ZNF521: variants seen among roughly 807,000 people sequenced by gnomAD.
ZNF521 encodes the protein LYST-interacting protein 3.
A neutral mutation model predicts 105.5 loss-of-function variants in ZNF521; 14 were observed. The ratio of observed to expected loss-of-function variants is 0.13; its 90% CI spans 0.09 to 0.21. ZNF521 has a LOEUF of 0.21. Among genes scored for constraint, ZNF521 ranks in the 10% least tolerant of loss-of-function variants. ZNF521 has a pLI of 1.00. For synonymous variants in ZNF521, 635 were observed against 606.0 expected (o/e 1.05, Z -0.70); for missense variants, 1,233 against 1,629.7 (o/e 0.76, Z 4.19).
At chr18:25,266,575 G>C (rs1909265551) in intron 3 of ZNF521, among the ~76,000 whole-genome samples, 2 of 152,142 alleles carry the variant, frequency 1.3e-5, no homozygotes, top group Non-Finnish European at 2.9e-5. Flanking sequence ...GGACTGCTTG[G>C]ACAGTGGGTG....
chr18:25,341,252 C>T (rs960596360), intron 2 of ZNF521, among the ~76,000 whole-genome samples: 3 of 152,154 alleles, frequency 2.0e-5, no homozygotes, highest in Admixed American at 6.5e-5. Context: ...TGCTGCATTC[C>T]CTAGTGTTCT....
chr18:25,256,109 C>T (rs1908483972), intron 3 of ZNF521, among the ~76,000 whole-genome samples: 1 of 150,626 alleles, frequency 6.6e-6, no homozygotes, highest in South Asian at 2.1e-4. Flanking sequence ...TCACATGATG[C>T]AACACAGATG....
chr18:25,284,581 G>C (rs1288144550), intron 3 of ZNF521, among the ~76,000 whole-genome samples: 1 of 152,152 alleles, frequency 6.6e-6, no homozygotes, highest in Non-Finnish European at 1.5e-5. Context: ...AAGAGAGGCA[G>C]AGTCATAGGC....
At chr18:25,087,225 G>A (rs533785888) in intron 7 of ZNF521, among the ~76,000 whole-genome samples, 2 of 152,312 alleles carry the variant, frequency 1.3e-5, no homozygotes, top group South Asian at 4.1e-4. Flanking sequence ...CAAGGAGTCT[G>A]TGATTGGTCT....
At chr18:25,302,885 A>T (rs183685909) in intron 3 of ZNF521, 180 of 152,362 alleles carry the variant, frequency 1.2e-3, no homozygotes, top group African/African-American at 4.1e-3. Flanking sequence ...ATAATACATG[A>T]CATTAGACGA....
chr18:25,228,156 T>G (rs1056319489), intron 3 of ZNF521, among the ~76,000 whole-genome samples: 1 of 152,204 alleles, frequency 6.6e-6, no homozygotes, highest in African/African-American at 2.4e-5. Flanking sequence ...ATGTCTAATA[T>G]TTAATAAAAA....
intron 3 of ZNF521, among the ~76,000 whole-genome samples, chr18:25,232,013 C>T (rs377273948): frequency 2.6e-5 from 4 of 152,134 alleles, no homozygotes; most frequent in Non-Finnish European, 5.9e-5. Context: ...AGCAGAGTAC[C>T]CTCTTAACTG....
intron 3 of ZNF521, among the ~76,000 whole-genome samples, chr18:25,318,949 A>C (rs1009581850): frequency 3.4e-5 from 3 of 89,368 alleles, no homozygotes; most frequent in Non-Finnish European, 9.5e-5. Flanking sequence ...AGGAGAAAAA[A>C]AAGAAAAAAA....
chr18:25,316,873 A>T (rs200059853), intron 3 of ZNF521, among the ~76,000 whole-genome samples: 1 of 89,858 alleles, frequency 1.1e-5, no homozygotes, highest in East Asian at 4.2e-4. Flanking sequence ...TTTTTTTTTG[A>T]GACAGAGTTT....
At chr18:25,071,678 T>C (rs959086951) in intron 7 of ZNF521, among the ~76,000 whole-genome samples, 3 of 152,140 alleles carry the variant, frequency 2.0e-5, no homozygotes, top group African/African-American at 4.8e-5. Flanking sequence ...TCTTATTTTA[T>C]AGATGAGAAA....
chr18:25,122,898 G>C (rs990852513), intron 5 of ZNF521, among the ~76,000 whole-genome samples: 16 of 152,074 alleles, frequency 1.1e-4, no homozygotes, highest in Non-Finnish European at 2.1e-4. Flanking sequence ...CATGAAACTT[G>C]GTCCAGTGTG....
Position 25,290,643 on chromosome 18 carries a change from C to T in ZNF521, c.220+31365G>A, listed in dbSNP as rs59357743. On this transcript the variant is annotated intron_variant, in intron 3 of 7. Transcript: ENST00000361524. ...TTTTTTTTTTTGAGACGGAGTCTCACTTTGTCACCCAGACTGGAGTACAGT... is the reference window on the plus strand; with the variant it reads ...TTTTTTTTTTTGAGACGGAGTCTCATTTTGTCACCCAGACTGGAGTACAGT... 3.4e-3 allele frequency among the ~76,000 whole-genome samples: 470 copies of T among 138,638 alleles called. 1 individual carries two copies. The highest frequency in any genetic ancestry group is 0.012 in the African/African-American group (440 of 37,224). 91.0% of individuals were successfully genotyped at this position (138,638 alleles called of 152,430 possible). A position where few individuals can be genotyped will look rare whatever the true frequency, so the allele number is the denominator to read the frequency against.
chr18:25,177,688 C>T (rs1266908642), intron 5 of ZNF521, among the ~76,000 whole-genome samples: 1 of 152,052 alleles, frequency 6.6e-6, no homozygotes, highest in Non-Finnish European at 1.5e-5. Context: ...GACTTTTTAG[C>T]TAGGCAAAAA....
intron 4 of ZNF521, among the ~76,000 whole-genome samples, chr18:25,216,065 A>G (rs572375574): frequency 6.6e-6 from 1 of 152,306 alleles, no homozygotes; most frequent in Non-Finnish European, 1.5e-5. Context: ...TGCTCTTTGC[A>G]TAATTAACTT....
rs913429343 is a variant in ZNF521, at chr18:25,341,298, C to T, written c.40+9609G>A. 5.2e-4 allele frequency among the ~76,000 whole-genome samples: 79 copies of T among 152,296 alleles called. 1 individual carries two copies. The highest frequency in any genetic ancestry group is 1.8e-3 in the African/African-American group (76 of 41,560). ...ATTTAATGGAATAAGTTCCTTGCAA[C>T]TTCTTTCACCTCAATTTTGTATAGC... On this transcript the variant is annotated intron_variant, in intron 2 of 7. Coordinates refer to ENST00000361524, the MANE Select transcript of ZNF521 (RefSeq NM_015461.3).
chr18:25,150,084 A>T (rs1390574481), intron 5 of ZNF521, among the ~76,000 whole-genome samples: 1 of 152,196 alleles, frequency 6.6e-6, no homozygotes, highest in African/African-American at 2.4e-5. Context: ...TAACTAAATG[A>T]GTACAGGTTA....
At chr18:25,211,222 T>C (rs890570436) in intron 4 of ZNF521, among the ~76,000 whole-genome samples, 23 of 152,234 alleles carry the variant, frequency 1.5e-4, no homozygotes, top group Non-Finnish European at 1.5e-5. Flanking sequence ...GGTTAGAATA[T>C]ATGGCTAGAA....
At chr18:25,310,929 T>C (rs1172094367) in intron 3 of ZNF521, among the ~76,000 whole-genome samples, 1 of 152,210 alleles carries the variant, frequency 6.6e-6, no homozygotes, top group African/African-American at 2.4e-5. Context: ...AATAACCTAC[T>C]TAAATTCATT....
intron 5 of ZNF521, among the ~76,000 whole-genome samples, chr18:25,165,955 T>A (rs558407967): frequency 6.6e-6 from 1 of 152,272 alleles, no homozygotes; most frequent in Admixed American, 6.5e-5. Flanking sequence ...AAAGAACCAC[T>A]CTGTGTGTTT....
Sources: gnomAD v4.1 joint callset for allele counts (sites outside exome capture counted in the v4.1 genomes callset) on GRCh38, gnomAD v4.1.1 for gene constraint, MANE v1.5 for transcripts, NCBI Gene and HGNC (gene_info 2026-07-23, HGNC 2026-07-21) for gene names.